Variants in GTF2F2 observed in about 807,000 individuals in gnomAD.
The protein encoded by GTF2F2 is general transcription factor IIF subunit 2.
In GTF2F2, 23 loss-of-function variants were observed where a neutral mutation model predicts 42.2. The observed-to-expected ratio is 0.55, with a 90% CI of 0.39 to 0.77. The LOEUF is 0.77. Ranked by LOEUF, GTF2F2 falls within the 30% of genes least tolerant of loss-of-function variation. The pLI is 0.00. For missense variants in GTF2F2, 261 were observed against 287.2 expected (o/e 0.91, Z 0.66); for synonymous variants, 105 against 100.8 (o/e 1.04, Z -0.25).
intron 4 of GTF2F2, among the ~76,000 whole-genome samples, chr13:45,168,824 CTTCCCTCCCTCT>C (rs1566121336): frequency 5.0e-5 from 7 of 140,450 alleles, no homozygotes; most frequent in East Asian, 2.0e-4. Context: ...TCCTTCCTTC[CTTCCCTCCCTCT>C]TTCCTTCCCT....
intron 6 of GTF2F2, chr13:45,263,780 C>T (rs942208464): frequency 1.9e-5 from 3 of 159,230 alleles, no homozygotes; most frequent in Admixed American, 6.3e-5. Context: ...TTCATTGCAT[C>T]CCTGGGGGTT....
rs772386745 is a variant in GTF2F2 at position 45,147,691 on chromosome 13, C to T, written c.141-2079C>T. ...ATATGTAAAAGACTGAGAAGTCCTA[C>T]AGTAAACAAATCTGCGGAAAAATCT... On this transcript the variant is annotated intron_variant, in intron 2 of 7. Coordinates refer to ENST00000340473, the MANE Select transcript of GTF2F2 (RefSeq NM_004128.3). Among the ~76,000 whole-genome samples the T allele has an allele frequency of 2.5e-4, 38 of 152,232 alleles. 1 individual carries two copies. Among genetic ancestry groups the T allele is most frequent in the Non-Finnish European group, 7.3e-5 (5 of 68,042 alleles).
chr13:45,181,200 A>AAAAAAC (rs766375703), intron 4 of GTF2F2, among the ~76,000 whole-genome samples: 1,958 of 132,200 alleles, frequency 0.015, 70 homozygotes, highest in Non-Finnish European at 0.02. Flanking sequence ...AAAAAAAAAA[A>AAAAAAC]AAACCAGAAA....
intron 4 of GTF2F2, among the ~76,000 whole-genome samples, chr13:45,188,340 C>G (rs1872509398): frequency 6.6e-6 from 1 of 152,194 alleles, no homozygotes; most frequent in Non-Finnish European, 1.5e-5. Context: ...GAAAACCATG[C>G]TTGCCTATAG....
At chr13:45,191,224 A>AAAAAAAAAATATATATATATATAT in intron 4 of GTF2F2, among the ~76,000 whole-genome samples, 45 of 75,278 alleles carry the variant, frequency 6.0e-4, no homozygotes, top group Non-Finnish European at 7.5e-4. Flanking sequence ...ACAAAAAAAA[A>AAAAAAAAAATATATATATATATAT]ATATATATAT....
At chr13:45,162,678 C>T (rs1182896967) in intron 4 of GTF2F2, among the ~76,000 whole-genome samples, 1 of 152,080 alleles carries the variant, frequency 6.6e-6, no homozygotes, top group Admixed American at 6.6e-5. Flanking sequence ...TATGTGGTAG[C>T]TTTAATAATC....
At chr13:45,243,674 T>G (rs1289804988) in intron 5 of GTF2F2, among the ~76,000 whole-genome samples, 1 of 152,254 alleles carries the variant, frequency 6.6e-6, no homozygotes, top group Non-Finnish European at 1.5e-5. Flanking sequence ...TTTTGTTTGT[T>G]TTTTGAGACG....
At chr13:45,266,337 T>C (rs1175855766) in intron 6 of GTF2F2, among the ~76,000 whole-genome samples, 2 of 152,196 alleles carry the variant, frequency 1.3e-5, no homozygotes, top group African/African-American at 2.4e-5. Context: ...AAGTATATAA[T>C]TACCCCTTTC....
At chr13:45,236,224 A>T (rs917360283) in intron 5 of GTF2F2, among the ~76,000 whole-genome samples, 7 of 152,198 alleles carry the variant, frequency 4.6e-5, no homozygotes, top group African/African-American at 1.7e-4. Context: ...TGAGTCATAC[A>T]TACCATCATG....
intron 7 of GTF2F2, among the ~76,000 whole-genome samples, chr13:45,274,924 G>A (rs1226487503): frequency 6.6e-6 from 1 of 151,304 alleles, no homozygotes; most frequent in African/African-American, 2.4e-5. Context: ...AAAAAAAAAA[G>A]TGTAGTTCAG....
chr13:45,166,012 C>T (rs1286102480), intron 4 of GTF2F2, among the ~76,000 whole-genome samples: 1 of 151,892 alleles, frequency 6.6e-6, no homozygotes, highest in African/African-American at 2.4e-5. Flanking sequence ...CGGGGTTTCA[C>T]CATGTTGGCC....
At chr13:45,123,650 A>G (rs376243298) in intron 1 of GTF2F2, among the ~76,000 whole-genome samples, 19 of 151,492 alleles carry the variant, frequency 1.3e-4, no homozygotes, top group African/African-American at 3.6e-4. Flanking sequence ...AAAAAAAACA[A>G]CCAAAACCTA....
At chr13:45,225,062 T>C (rs949210397) in intron 5 of GTF2F2, among the ~76,000 whole-genome samples, 4 of 152,216 alleles carry the variant, frequency 2.6e-5, no homozygotes, top group Non-Finnish European at 5.9e-5. Flanking sequence ...ACAGATTCCA[T>C]GGCCTGGCCC....
intron 2 of GTF2F2, among the ~76,000 whole-genome samples, chr13:45,142,019 C>G (rs184323901): frequency 6.6e-6 from 1 of 152,176 alleles, no homozygotes; most frequent in Non-Finnish European, 1.5e-5. Flanking sequence ...GCATCTTGAT[C>G]TCTTCCCTAG....
At chr13:45,272,122 AGAC>A (rs1031963692) in intron 7 of GTF2F2, among the ~76,000 whole-genome samples, 5 of 149,772 alleles carry the variant, frequency 3.3e-5, no homozygotes, top group Non-Finnish European at 7.4e-5. Context: ...TTTAAAAAAA[AGAC>A]AATTTCCCAA....
intron 6 of GTF2F2, among the ~76,000 whole-genome samples, chr13:45,255,995 G>GAT (rs1282468606): frequency 1.3e-5 from 2 of 152,090 alleles, no homozygotes; most frequent in South Asian, 2.1e-4. Flanking sequence ...AGTGCTCAAT[G>GAT]ATATATATAC....
Position 45,120,512 on chromosome 13 carries a change from C to G in GTF2F2, c.-144C>G. On this transcript the variant is annotated 5_prime_UTR_variant, in exon 1 of 8. Coordinates refer to ENST00000340473, the MANE Select transcript of GTF2F2 (RefSeq NM_004128.3). The stretch of plus-strand genomic sequence containing the variant: ...CCTGGCGGCGTGTTCCTCTTTTCCT[C>G]GGTTCCCAGTGTTCTGGCAGGTAAG... The G allele has an allele frequency of 1.6e-6, 1 of 625,780 alleles. No individual in the cohort carries two copies. Among genetic ancestry groups the G allele is most frequent in the Non-Finnish European group, 2.9e-6 (1 of 348,684 alleles). The allele number at this position is 625,780 out of a possible 1,614,324, so 38.8% of individuals were successfully genotyped here.
In GTF2F2 at chr13:45,267,358, C is replaced by T. The variant is rs1446377707; in HGVS notation, c.612C>T (p.Asp204=). ...HQYYNLKDLV[D]ITKQPVVYLK... is the part of the protein sequence containing the mutation. ...ACTATAATCTTAAGGACTTGGTGGA[C>T]ATCACAAAGCAACCTGTGGTATGTA... The change falls in exon 7 of 8, where the codon GAC becomes GAT. Residue 204 remains aspartate (D), a synonymous_variant. Transcript: ENST00000340473. The T allele has an allele frequency of 1.9e-6, 3 of 1,607,082 alleles. No individual in the cohort carries two copies. The highest frequency in any genetic ancestry group is 2.7e-5 in the African/African-American group (2 of 74,556).
chr13:45,245,696 T>TATATATATATATATAC lies in GTF2F2; in HGVS notation c.387-7170_387-7169insTATATATATACATATA. Among the ~76,000 whole-genome samples, 4 of 63,542 alleles carry TATATATATATATATAC rather than the reference T, an allele frequency of 6.3e-5. No individual in the cohort carries two copies. The African/African-American group carries it at 6.8e-4, about 11-fold the overall frequency. 41.7% of individuals were successfully genotyped at this position (63,542 alleles called of 152,430 possible). On this transcript the variant is annotated intron_variant, in intron 5 of 7. Coordinates refer to ENST00000340473, the MANE Select transcript of GTF2F2 (RefSeq NM_004128.3). ...ATATATATATATATATATATATATA[T>TATATATATATATATAC]ATATACATATACATACACACACACA...
Sources: allele counts gnomAD v4.1 joint callset (sites outside exome capture counted in the v4.1 genomes callset), GRCh38; gene constraint gnomAD v4.1.1; transcripts MANE v1.5; gene names NCBI Gene and HGNC (gene_info 2026-07-23, HGNC 2026-07-21).